Variants in IPMK observed in about 807,000 individuals in gnomAD.
IPMK encodes inositol 1,3,4,6-tetrakisphosphate 5-kinase.
Under a neutral mutation model 45.8 loss-of-function variants are expected in IPMK, and 17 were observed. The observed-to-expected ratio is 0.37, with a 90% CI of 0.25 to 0.56. The LOEUF is 0.56. IPMK is among the 20% of genes least tolerant of loss of function. The pLI is 0.79. For missense variants in IPMK, 399 were observed against 498.0 expected (o/e 0.80, Z 1.89); for synonymous variants, 180 against 184.3 (o/e 0.98, Z 0.19).
At chr10:58,252,434 CTGTT>C (rs1475660180) in intron 1 of IPMK, among the ~76,000 whole-genome samples, 4 of 105,748 alleles carry the variant, frequency 3.8e-5, no homozygotes, top group South Asian at 2.7e-4. Flanking sequence ...CTGAATTTGA[CTGTT>C]TTTTTTTTTT....
At chr10:58,246,007 C>T (rs1195733172) in intron 1 of IPMK, among the ~76,000 whole-genome samples, 5 of 133,010 alleles carry the variant, frequency 3.8e-5, no homozygotes, top group South Asian at 2.3e-4. Context: ...TATACACCAA[C>T]AACAGACAAA....
chr10:58,256,060 T>G (rs1169504869), intron 1 of IPMK, among the ~76,000 whole-genome samples: 2 of 152,184 alleles, frequency 1.3e-5, no homozygotes, highest in African/African-American at 4.8e-5. Context: ...TCTGCACAAA[T>G]TGTTTGTAAA....
chr10:58,256,066 G>C (rs1033733147), intron 1 of IPMK, among the ~76,000 whole-genome samples: 4 of 152,128 alleles, frequency 2.6e-5, no homozygotes, highest in African/African-American at 9.7e-5. Context: ...CAAATTGTTT[G>C]TAAAGCATGT....
rs144385789 is a variant in IPMK at position 58,196,186 on chromosome 10, C to G, written c.1141G>C (p.Val381Leu). ...ACATGAGCAAAATCTATCATTCGCA[C>G]TTCTACTTCAGCAATCTCTTGGCAA... ...TGCQEIAEVE[V>L]RMIDFAHVFP... Residue 381 changes from valine to leucine, a missense_variant, in exon 6 of 6, where the codon GTG (valine) becomes CTG (leucine). Transcript: ENST00000373935. The G allele has an allele frequency of 6.2e-7, 1 of 1,614,102 alleles. No individual in the cohort carries two copies. Among genetic ancestry groups the G allele is most frequent in the Non-Finnish European group, 8.5e-7 (1 of 1,179,984 alleles).
At chr10:58,202,073 T>TTTTAACCTAAAATGCAAGGTGAAGCA (rs1463220521) in intron 4 of IPMK, among the ~76,000 whole-genome samples, 4 of 152,216 alleles carry the variant, frequency 2.6e-5, no homozygotes, top group African/African-American at 9.6e-5. Flanking sequence ...AAGACGTTGT[T>TTTTAACCTAAAATGCAAGGTGAAGCA]TTTAACCTAA....
chr10:58,256,174 G>A (rs1027569414), intron 1 of IPMK, among the ~76,000 whole-genome samples: 7 of 152,174 alleles, frequency 4.6e-5, no homozygotes, highest in Non-Finnish European at 8.8e-5. Context: ...GACTGCCTGC[G>A]GGGCCAGGCA....
chr10:58,236,673 G>A (rs1028943436), intron 2 of IPMK, among the ~76,000 whole-genome samples: 1 of 152,184 alleles, frequency 6.6e-6, no homozygotes, highest in Non-Finnish European at 1.5e-5. Flanking sequence ...GGGAGGCAGA[G>A]GCAGGAGGAT....
intron 1 of IPMK, among the ~76,000 whole-genome samples, chr10:58,264,719 A>G (rs974836161): frequency 6.6e-6 from 1 of 152,224 alleles, no homozygotes; most frequent in Non-Finnish European, 1.5e-5. Context: ...ATGATTACAG[A>G]AATAGTTAAA....
At chr10:58,241,674 G>A (rs760131371) in intron 1 of IPMK, among the ~76,000 whole-genome samples, 4 of 152,108 alleles carry the variant, frequency 2.6e-5, no homozygotes, top group Non-Finnish European at 5.9e-5. Context: ...CTCTTAGCTT[G>A]TAGAAGGTCA....
intron 1 of IPMK, among the ~76,000 whole-genome samples, chr10:58,266,543 C>G (rs1308998827): frequency 6.6e-6 from 1 of 152,136 alleles, no homozygotes; most frequent in Admixed American, 6.5e-5. Flanking sequence ...AATCGTTTTA[C>G]CGGCATAAAC....
At chr10:58,266,751 G>A (rs1839153675) in intron 1 of IPMK, among the ~76,000 whole-genome samples, 1 of 152,174 alleles carries the variant, frequency 6.6e-6, no homozygotes, top group Admixed American at 6.5e-5. Context: ...CTTATAAAAT[G>A]AACAAGAATA....
At chr10:58,214,901 C>T (rs765890162) in intron 4 of IPMK, among the ~76,000 whole-genome samples, 2 of 152,194 alleles carry the variant, frequency 1.3e-5, no homozygotes, top group African/African-American at 2.4e-5. Flanking sequence ...GTGCACATTG[C>T]TATTCATGCT....
In IPMK at chr10:58,228,051, T is replaced by C. The variant is rs993995053; in HGVS notation, c.277-912A>G. On this transcript the variant is annotated intron_variant, in intron 2 of 5. Transcript: ENST00000373935. ...ACTCTTGGCAGACCAAATATCCAAG[T>C]GGTACATTGTATTTCCCAGATTCCC... 3.3e-5 allele frequency among the ~76,000 whole-genome samples: 5 copies of C among 152,352 alleles called. No homozygotes were observed. In the East Asian group the frequency reaches 9.6e-4, roughly 29 times the overall value.
At chr10:58,261,743 G>A (rs536916801) in intron 1 of IPMK, among the ~76,000 whole-genome samples, 25 of 152,080 alleles carry the variant, frequency 1.6e-4, no homozygotes, top group Middle Eastern at 3.4e-3. Flanking sequence ...CAACACATCC[G>A]GCTAATTTTT....
At chr10:58,245,611 C>A (rs200006659) in intron 1 of IPMK, among the ~76,000 whole-genome samples, 550 of 124,320 alleles carry the variant, frequency 4.4e-3, no homozygotes, top group African/African-American at 6.5e-3. Flanking sequence ...GACTCTGTCT[C>A]AAAAAAAAAA....
Position 58,196,217 on chromosome 10 carries a change from G to A in IPMK, c.1110C>T (p.Pro370=), listed in dbSNP as rs1226744679. 6.2e-7 allele frequency: 1 copy of A among 1,614,022 alleles called. No individual in the cohort carries two copies. Among genetic ancestry groups the A allele is most frequent in the Non-Finnish European group, 8.5e-7 (1 of 1,180,016 alleles). The change falls in exon 6 of 6, where the codon CCC becomes CCT. Residue 370 remains proline (P), a synonymous_variant. Transcript: ENST00000373935. ...CTTCAGCAATCTCTTGGCAACCAGT[G>A]GGAAGATGGTAGAAAACTTTTTCCA... is the stretch of plus-strand genomic sequence containing the variant. The part of the protein sequence containing the change: ...SQLEKVFYHL[P]TGCQEIAEVE...
intron 1 of IPMK, among the ~76,000 whole-genome samples, chr10:58,241,157 C>G (rs1240678274): frequency 6.6e-6 from 1 of 152,136 alleles, no homozygotes; most frequent in Admixed American, 6.5e-5. Context: ...GAAACTCATA[C>G]AAACGACTTG....
chr10:58,249,336 C>T (rs1838849699), intron 1 of IPMK, among the ~76,000 whole-genome samples: 4 of 152,166 alleles, frequency 2.6e-5, no homozygotes, highest in South Asian at 4.1e-4. Context: ...TCCTCCCACC[C>T]CAGCCTCCCA....
intron 2 of IPMK, among the ~76,000 whole-genome samples, chr10:58,230,439 C>G (rs996261271): frequency 6.6e-6 from 1 of 152,166 alleles, no homozygotes; most frequent in Non-Finnish European, 1.5e-5. Flanking sequence ...CTGCCCCTCT[C>G]GGACAAAGCT....
Sources: gnomAD v4.1 joint callset for allele counts (sites outside exome capture counted in the v4.1 genomes callset) on GRCh38, gnomAD v4.1.1 for gene constraint, MANE v1.5 for transcripts, NCBI Gene and HGNC (gene_info 2026-07-23, HGNC 2026-07-21) for gene names.